The following TCF25 variants were observed in gnomAD, a reference collection of about 807,000 sequenced individuals.
TCF25 encodes TCF25 ribosome quality control complex subunit, also known as ribosome quality control complex subunit TCF25.
In TCF25, 41 loss-of-function variants were observed where a neutral mutation model predicts 83.1. The observed-to-expected ratio is 0.49, with a 90% CI of 0.38 to 0.64. The LOEUF (loss-of-function observed/expected upper bound fraction) is 0.64, where lower values mean the gene tolerates loss of function less well. Among genes scored for constraint, TCF25 ranks in the 30% least tolerant of loss-of-function variants. The probability of loss-of-function intolerance (pLI) is 0.00; values close to 1 mark genes in which losing one functional copy is unlikely to be tolerated. For missense variants in TCF25, 979 were observed against 914.5 expected (o/e 1.07, Z -0.91); for synonymous variants, 458 against 365.0 (o/e 1.25, Z -2.90).
At chr16:89,902,643 C>A (rs1181719513) in intron 12 of TCF25, among the ~76,000 whole-genome samples, 1 of 145,592 alleles carries the variant, frequency 6.9e-6, no homozygotes, top group Admixed American at 6.8e-5. Flanking sequence ...GAGCCGAGAT[C>A]GCGCCACTGC....
intron 13 of TCF25, 180 bp from the exon 14 acceptor site, chr16:89,904,758 G>A (rs2044635456): frequency 5.3e-6 from 4 of 751,092 alleles, no homozygotes; most frequent in Non-Finnish European, 9.3e-6. Context: ...ACAGGCTCAC[G>A]GCACATACCT....
intron 10 of TCF25, 29 bp downstream of exon 10, chr16:89,898,678 C>A (rs1567724189): frequency 4.3e-6 from 7 of 1,612,232 alleles, no homozygotes; most frequent in South Asian, 1.1e-5. Context: ...CCAAGCCCGT[C>A]CACGCTCCCT....
chr16:89,909,028 G>A lies in TCF25; in HGVS notation c.1800-1563G>A, dbSNP rs144013020. ...TCACAGCTCTGCGTTTGCAGGCCAC[G>A]TTCTTTCCCATCTCCACCGAATGTA... is the stretch of plus-strand genomic sequence containing the variant. On this transcript the variant is annotated intron_variant, in intron 16 of 17. Coordinates refer to ENST00000263346, the MANE Select transcript of TCF25 (RefSeq NM_014972.3). 5,626 of 1,289,536 alleles carry A rather than the reference G, an allele frequency of 4.4e-3. 34 individuals are homozygous for A. The highest frequency in any genetic ancestry group is 5.3e-3 in the Non-Finnish European group (5,222 of 988,802). 79.9% of individuals were successfully genotyped at this position (1,289,536 alleles called of 1,614,324 possible).
At chr16:89,896,584 C>T (rs963722769) in intron 9 of TCF25, among the ~76,000 whole-genome samples, 13 of 142,410 alleles carry the variant, frequency 9.1e-5, no homozygotes, top group Non-Finnish European at 1.1e-4. Flanking sequence ...GACGGAGTCT[C>T]ACTCTGTCAC....
In TCF25 at chr16:89,884,621, C is replaced by T; in HGVS notation, c.394C>T (p.Gln132Ter). Residue 132 changes from glutamine (Q) to a stop codon, truncating the protein, a stop_gained, in exon 3 of 18, where the codon CAG (glutamine) becomes TAG (stop). Coordinates refer to ENST00000263346, the MANE Select transcript of TCF25 (RefSeq NM_014972.3). LOFTEE classifies it high-confidence loss of function. ...CAAACTCCGGAAGAAGAAAAAAAAA[C>T]AGAAAAACAAGAAAAGCAGCACGGG... ...SGKLRKKKKK[Q>*]KNKKSSTGEA... The T allele has an allele frequency of 1.2e-6, 2 of 1,613,428 alleles. No homozygotes were observed. Among genetic ancestry groups the T allele is most frequent in the South Asian group, 1.1e-5 (1 of 91,022 alleles).
Position 89,900,757 on chromosome 16 carries a change from T to C in TCF25, c.1344T>C (p.Ser448=). 1.3e-6 allele frequency: 2 copies of C among 1,595,120 alleles called. No homozygotes were observed. The highest frequency in any genetic ancestry group is 1.7e-6 in the Non-Finnish European group (2 of 1,164,084). ...CEQSSARQKA[S]LLIQQALTMF... ...AGAGCTCTGCCAGGCAGAAGGCCTC[T>C]CTCCTGATACAGCAGGCGCTCACCA... Residue 448 remains serine, a synonymous_variant, in exon 12 of 18, where the codon TCT becomes TCC. Transcript: ENST00000263346.
At chr16:89,887,495 T>C (rs1022357538) in intron 4 of TCF25, among the ~76,000 whole-genome samples, 157 bp from the exon 5 acceptor site, 18 of 152,230 alleles carry the variant, frequency 1.2e-4, no homozygotes, top group African/African-American at 4.3e-4. Flanking sequence ...AGGCCTCAGC[T>C]GTGGTTGGGG....
chr16:89,900,706 G>A lies in TCF25; in HGVS notation c.1293G>A (p.Gln431=). ...CACTGGCGTATTTCCTGCTGAGCCA[G>A]CAGACAGACCTCCCTGAGTGTGAGC... The part of the protein sequence containing the change: ...SVPLAYFLLS[Q]QTDLPECEQS... Residue 431 remains glutamine, a synonymous_variant, in exon 12 of 18, where the codon CAG becomes CAA. Transcript: ENST00000263346. 1 of 1,606,490 alleles carries A rather than the reference G, an allele frequency of 6.2e-7. No homozygotes were observed.
In TCF25 at chr16:89,893,747, G is replaced by A. The variant is rs772854380; in HGVS notation, c.717G>A (p.Leu239=). 1.9e-6 allele frequency: 3 copies of A among 1,613,886 alleles called. No individual in the cohort carries two copies. The highest frequency in any genetic ancestry group is 1.7e-6 in the Non-Finnish European group (2 of 1,179,974). ...TCCCAGGTCTGTCCATGCGGCTGCT[G>A]GAATCAAAAAAAGGCCTCTCCTTCT... ...YSKPGLSMRL[L]ESKKGLSFFA... Residue 239 remains leucine, a synonymous_variant, in exon 7 of 18, where the codon CTG becomes CTA. Transcript: ENST00000263346.
intron 5 of TCF25, among the ~76,000 whole-genome samples, chr16:89,888,669 CTCTT>C (rs1311711546): frequency 1.7e-4 from 25 of 148,614 alleles, no homozygotes; most frequent in African/African-American, 4.5e-4. Context: ...GTTTCTTTCT[CTCTT>C]TCTTTCTTTT....
intron 11 of TCF25, 86 bp downstream of exon 11, chr16:89,898,958 G>A (rs1312254802): frequency 7.9e-7 from 1 of 1,272,574 alleles, no homozygotes; most frequent in African/African-American, 1.5e-5. Flanking sequence ...GTGCGCTCAG[G>A]GGACGTTTGG....
rs995387967 is a variant in TCF25, at chr16:89,908,922, C to T, written c.1799+1600C>T. On this transcript the variant is annotated intron_variant, in intron 16 of 17. Transcript: ENST00000263346. Reference sequence around the variant, plus strand: ...TGGCTGCCTCTTTCAGACCCAGATGCTGAGAGATGGGGCTCAGGGCTAAGT... The same window carrying T: ...TGGCTGCCTCTTTCAGACCCAGATGTTGAGAGATGGGGCTCAGGGCTAAGT... The T allele has an allele frequency of 2.3e-6, 3 of 1,287,368 alleles. No individual in the cohort carries two copies. The Admixed American group carries it at 6.9e-5, about 30-fold the overall frequency. The allele number at this position is 1,287,368 out of a possible 1,614,324, so 79.7% of individuals were successfully genotyped here.
At position 89,911,353 on chromosome 16, in the gene TCF25, G is replaced by T. The variant is rs894713844; in HGVS notation, c.*115G>T. ...TGAGTGTGTCGCTCCCTGGTCCACT[G>T]TTTCTCCTATAAATGTAAATGGGTC... is the stretch of plus-strand genomic sequence containing the variant. On this transcript the variant is annotated 3_prime_UTR_variant, in exon 18 of 18. Transcript: ENST00000263346. The T allele has an allele frequency of 1.0e-5, 14 of 1,373,076 alleles. No homozygotes were observed. In the East Asian group the frequency reaches 3.3e-4, roughly 33 times the overall value. 85.1% of individuals were successfully genotyped at this position (1,373,076 alleles called of 1,614,324 possible). A position where few individuals can be genotyped will look rare whatever the true frequency, so the allele number is the denominator to read the frequency against.
intron 5 of TCF25, among the ~76,000 whole-genome samples, chr16:89,891,454 G>A (rs1300577904): frequency 2.0e-5 from 3 of 152,242 alleles, no homozygotes; most frequent in Non-Finnish European, 4.4e-5. Context: ...GAGCTGCACC[G>A]TGCTGATGGT....
At chr16:89,906,006 C>G (rs1411328335) in intron 14 of TCF25, among the ~76,000 whole-genome samples, 188 bp from the exon 15 acceptor site, 1 of 152,084 alleles carries the variant, frequency 6.6e-6, no homozygotes, top group Non-Finnish European at 1.5e-5. Flanking sequence ...TCCCCAGAGG[C>G]TCCCCAGCCG....
At chr16:89,907,535 A>AGCTCCCT (rs2044973187) in intron 16 of TCF25, among the ~76,000 whole-genome samples, 1 of 15,728 alleles carries the variant, frequency 6.4e-5, no homozygotes, top group Non-Finnish European at 1.8e-4. Context: ...CCCAGTTCCT[A>AGCTCCCT]CCTCCCATCT....
At chr16:89,897,935 C>G (rs1330640641) in intron 9 of TCF25, among the ~76,000 whole-genome samples, 1 of 152,104 alleles carries the variant, frequency 6.6e-6, no homozygotes, top group South Asian at 2.1e-4. Flanking sequence ...AACCCCGTCT[C>G]TACTAAAAAT....
chr16:89,904,004 T>G (rs1021428160), intron 12 of TCF25, 114 bp from the exon 13 acceptor site: 59 of 1,082,644 alleles, frequency 5.4e-5, no homozygotes, highest in Non-Finnish European at 7.4e-5. Context: ...ACTCTCCACC[T>G]TAGAACAGCT....
At chr16:89,881,217 G>A (rs764039945) in intron 1 of TCF25, among the ~76,000 whole-genome samples, 6 of 152,140 alleles carry the variant, frequency 3.9e-5, no homozygotes, top group Non-Finnish European at 5.9e-5. Context: ...TTCAGCAACC[G>A]CAGCCGGGGT....
Sources: gnomAD v4.1 joint callset for allele counts (sites outside exome capture counted in the v4.1 genomes callset) on GRCh38, gnomAD v4.1.1 for gene constraint, MANE v1.5 for transcripts, NCBI Gene and HGNC (gene_info 2026-07-23, HGNC 2026-07-21) for gene names.